FCGR2A: variants seen among roughly 807,000 people sequenced by gnomAD.
The protein encoded by FCGR2A is Fc gamma receptor IIa, also known as low affinity immunoglobulin gamma Fc region receptor II-a.
In FCGR2A, 18 loss-of-function variants were observed where a neutral mutation model predicts 29.3. The observed-to-expected ratio is 0.62, with a 90% CI of 0.43 to 0.91. The LOEUF is 0.91. Among genes scored for constraint, FCGR2A ranks in the 40% least tolerant of loss-of-function variants. The probability of loss-of-function intolerance (pLI) is 0.00; values close to 1 mark genes in which losing one functional copy is unlikely to be tolerated. For synonymous variants in FCGR2A, 126 were observed against 144.8 expected, an observed-to-expected ratio of 0.87 and a Z score of 0.93; for missense variants, 287 against 393.0, an observed-to-expected ratio of 0.73 and a Z score of 2.28.
At position 161,518,352 on chromosome 1, in the gene FCGR2A, C is replaced by G. The variant is rs1397502449; in HGVS notation, c.*204C>G. Reference sequence around the variant, plus strand: ...GGGTCATACTACATACAAGCATAAGCAAAACTTAACTTGGATCATTTCTGG... The same window carrying G: ...GGGTCATACTACATACAAGCATAAGGAAAACTTAACTTGGATCATTTCTGG... On this transcript the variant is annotated 3_prime_UTR_variant, in exon 7 of 7. Coordinates refer to ENST00000271450, the MANE Select transcript of FCGR2A (RefSeq NM_001136219.3). The G allele has an allele frequency of 9.3e-5, 86 of 925,100 alleles. No individual in the cohort carries two copies. Among genetic ancestry groups the G allele is most frequent in the Middle Eastern group, 3.2e-4 (1 of 3,136 alleles). The allele number at this position is 925,100 out of a possible 1,614,324, so 57.3% of individuals were successfully genotyped here.
chr1:161,514,025 G>T, intron 6 of FCGR2A, 93 bp downstream of exon 6: 3 of 1,581,522 alleles, frequency 1.9e-6, no homozygotes, highest in Non-Finnish European at 2.6e-6. Flanking sequence ...AAATTAAAAT[G>T]GAGACTGGGC....
At chr1:161,506,788 T>C in intron 3 of FCGR2A, 197 bp downstream of exon 3, 1 of 1,125,726 alleles carries the variant, frequency 8.9e-7, no homozygotes, top group Non-Finnish European at 1.2e-6. Flanking sequence ...TTTCTAATAA[T>C]TTTCTCAGCA....
chr1:161,518,839 T>C lies in FCGR2A; in HGVS notation c.*691T>C, dbSNP rs1213547646. 1 of 158,838 alleles carries C rather than the reference T, an allele frequency of 6.3e-6. No homozygotes were observed. The highest frequency in any genetic ancestry group is 1.4e-5 in the Non-Finnish European group (1 of 71,672). The allele number at this position is 158,838 out of a possible 1,614,324, so 9.8% of individuals were successfully genotyped here. A position where few individuals can be genotyped will look rare whatever the true frequency, so the allele number is the denominator to read the frequency against. ...GGTTTCGCAATGTTGGCCAGGCCGA[T>C]CTCGAACTTCTGGCCTCTAGCGATC... On this transcript the variant is annotated 3_prime_UTR_variant, in exon 7 of 7. Coordinates refer to ENST00000271450, the MANE Select transcript of FCGR2A (RefSeq NM_001136219.3).
chr1:161,516,113 G>A (rs1266380023), intron 6 of FCGR2A, among the ~76,000 whole-genome samples: 3 of 151,972 alleles, frequency 2.0e-5, no homozygotes, highest in Non-Finnish European at 4.4e-5. Context: ...CATGTTGTCT[G>A]CTATACAATT....
chr1:161,514,214 C>T (rs1405379528), intron 6 of FCGR2A, among the ~76,000 whole-genome samples: 12 of 151,774 alleles, frequency 7.9e-5, no homozygotes, highest in African/African-American at 2.7e-4. Context: ...CCTAGCCAAT[C>T]GTAAGCAGCC....
intron 6 of FCGR2A, among the ~76,000 whole-genome samples, chr1:161,515,054 G>C (rs1412134159): frequency 2.6e-5 from 4 of 152,282 alleles, no homozygotes; most frequent in African/African-American, 9.6e-5. Context: ...ACTTAAAGTT[G>C]CAATGGTCAC....
chr1:161,506,535 C>T lies in FCGR2A; in HGVS notation c.308C>T (p.Thr103Met), dbSNP rs368359610. Residue 103 changes from threonine (T) to methionine (M), a missense_variant, in exon 3 of 7, where the codon ACG becomes ATG. By Grantham distance (81) the Thr-to-Met change is moderately conservative. Transcript: ENST00000271450. ...KANNNDSGEY[T>M]CQTGQTSLSD... Reference sequence around the variant, plus strand: ...AACAACAATGACAGCGGGGAGTACACGTGCCAGACTGGCCAGACCAGCCTC... The same window carrying T: ...AACAACAATGACAGCGGGGAGTACATGTGCCAGACTGGCCAGACCAGCCTC... The T allele has an allele frequency of 6.2e-6, 10 of 1,614,062 alleles. No homozygotes were observed. The highest frequency in any genetic ancestry group is 4.0e-5 in the African/African-American group (3 of 74,914).
At chr1:161,508,612 A>G (rs138745808) in intron 3 of FCGR2A, among the ~76,000 whole-genome samples, 6 of 151,896 alleles carry the variant, frequency 4.0e-5, no homozygotes, top group African/African-American at 1.4e-4. Context: ...GAAAAAGAAA[A>G]CTGTTTTTTT....
intron 1 of FCGR2A, 163 bp from the exon 2 acceptor site, chr1:161,505,824 A>G: frequency 1.3e-6 from 1 of 761,290 alleles, no homozygotes; most frequent in Non-Finnish European, 2.3e-6. Flanking sequence ...AAGGGGACAT[A>G]TGAAGTGAAT....
At chr1:161,513,544 A>G (rs1329413895) in intron 5 of FCGR2A, 2 of 432,816 alleles carry the variant, frequency 4.6e-6, no homozygotes, top group Non-Finnish European at 8.3e-6. Context: ...AAAAATCTGG[A>G]CTTTACTTCA....
chr1:161,510,509 C>T (rs545693729), intron 4 of FCGR2A, among the ~76,000 whole-genome samples: 37 of 152,298 alleles, frequency 2.4e-4, no homozygotes, highest in Non-Finnish European at 4.7e-4. Flanking sequence ...TCCAGCTATG[C>T]GAGGCTTTGG....
Sources: gnomAD v4.1 joint callset for allele counts (sites outside exome capture counted in the v4.1 genomes callset) on GRCh38, gnomAD v4.1.1 for gene constraint, MANE v1.5 for transcripts, NCBI Gene and HGNC (gene_info 2026-07-23, HGNC 2026-07-21) for gene names.